Variants in RNF121 observed in about 807,000 individuals in gnomAD.
The protein encoded by RNF121 is E3 ubiquitin ligase RNF121.
A neutral mutation model predicts 46.5 loss-of-function variants in RNF121; 21 were observed. The observed-to-expected ratio is 0.45, with a 90% CI of 0.32 to 0.65. The LOEUF (loss-of-function observed/expected upper bound fraction) is 0.65. RNF121 is among the 30% of genes least tolerant of loss of function. The pLI is 0.04. For synonymous variants in RNF121, 139 were observed against 144.7 expected, an observed-to-expected ratio of 0.96 and a Z score of 0.28; for missense variants, 346 against 416.0, an observed-to-expected ratio of 0.83 and a Z score of 1.46.
rs1954757219 is a variant in RNF121, at chr11:71,985,609, G to T, written c.399-1395G>T. On this transcript the variant is annotated intron_variant, in intron 4 of 8. Transcript: ENST00000361756. ...CTGCTTGCCTGGCCACAGCAAGGAG[G>T]CATGGGCAGGGAAGGACCTTGACTT... is the stretch of plus-strand genomic sequence containing the variant. Among the ~76,000 whole-genome samples the T allele has an allele frequency of 2.0e-5, 3 of 152,182 alleles. No individual in the cohort carries two copies. In the South Asian group the frequency reaches 6.2e-4, roughly 32 times the overall value.
At chr11:71,989,301 G>A (rs770242860) in intron 5 of RNF121, among the ~76,000 whole-genome samples, 4 of 152,098 alleles carry the variant, frequency 2.6e-5, no homozygotes, top group Non-Finnish European at 5.9e-5. Context: ...GGCTGGTTTC[G>A]AACTCCTGAC....
At chr11:71,947,168 G>C (rs1049289703) in intron 1 of RNF121, among the ~76,000 whole-genome samples, 5 of 151,980 alleles carry the variant, frequency 3.3e-5, no homozygotes, top group African/African-American at 4.8e-5. Flanking sequence ...CTGGCTGGTT[G>C]CATCTTATTT....
In RNF121 at chr11:71,967,358, T is replaced by TG. The variant is rs200870132; in HGVS notation, c.243+6467_243+6468insG. ...TATGTGGGTTTTTTTTGTTTTTTTT[T>TG]TTTTTTTTTGAGACGGAGTCTCACT... is the stretch of plus-strand genomic sequence containing the variant. On this transcript the variant is annotated intron_variant, in intron 3 of 8. Coordinates refer to ENST00000361756, the MANE Select transcript of RNF121 (RefSeq NM_018320.5). Among the ~76,000 whole-genome samples, 166 of 137,882 alleles carry TG rather than the reference T, an allele frequency of 1.2e-3. 3 individuals carry two copies. The East Asian group carries it at 0.014, about 11-fold the overall frequency. 90.5% of individuals were successfully genotyped at this position (137,882 alleles called of 152,430 possible).
chr11:71,969,076 A>G (rs1590797693), intron 3 of RNF121, among the ~76,000 whole-genome samples: 2 of 151,778 alleles, frequency 1.3e-5, no homozygotes, highest in Non-Finnish European at 2.9e-5. Flanking sequence ...TAGTAGAGAC[A>G]GAGTTTCACC....
chr11:71,994,707 A>G lies in RNF121; in HGVS notation c.628-12A>G. ...TCTTTTCCTATCTTTCCTTCCTGCT[A>G]TTCTCCTTCAGTTCTACAGCGAGTC... is the stretch of plus-strand genomic sequence containing the variant. On this transcript the variant is annotated splice_polypyrimidine_tract_variant and intron_variant, in intron 6 of 8. Coordinates refer to ENST00000361756, the MANE Select transcript of RNF121 (RefSeq NM_018320.5). The G allele has an allele frequency of 1.9e-6, 3 of 1,613,748 alleles. No individual in the cohort carries two copies. The highest frequency in any genetic ancestry group is 2.5e-6 in the Non-Finnish European group (3 of 1,179,862).
At chr11:71,977,777 C>T (rs1186380351) in intron 3 of RNF121, among the ~76,000 whole-genome samples, 1 of 152,196 alleles carries the variant, frequency 6.6e-6, no homozygotes, top group Non-Finnish European at 1.5e-5. Flanking sequence ...CCACTGAATT[C>T]CCATGTCCGT....
intron 7 of RNF121, among the ~76,000 whole-genome samples, 182 bp downstream of exon 7, chr11:71,995,034 G>A (rs1188245261): frequency 6.6e-6 from 1 of 152,198 alleles, no homozygotes; most frequent in Admixed American, 6.5e-5. Context: ...GGTAAACAGT[G>A]GTTACAACCT....
intron 3 of RNF121, among the ~76,000 whole-genome samples, chr11:71,968,641 C>T (rs1712242673): frequency 6.6e-6 from 1 of 152,150 alleles, no homozygotes; most frequent in African/African-American, 2.4e-5. Flanking sequence ...TAATTAATAA[C>T]ACTAGCTAGC....
At chr11:71,960,707 A>G in intron 2 of RNF121, 43 bp from the exon 3 acceptor site, 2 of 1,595,026 alleles carry the variant, frequency 1.3e-6, no homozygotes, top group Non-Finnish European at 1.7e-6. Context: ...CTTTATCACT[A>G]CAGCATCCCT....
At chr11:71,951,743 T>C (rs1028904875) in intron 1 of RNF121, among the ~76,000 whole-genome samples, 7 of 152,100 alleles carry the variant, frequency 4.6e-5, no homozygotes, top group Non-Finnish European at 1.0e-4. Flanking sequence ...CAACGTCATT[T>C]AGCTGTCAGG....
At chr11:71,978,821 A>T (rs930936907) in intron 3 of RNF121, among the ~76,000 whole-genome samples, 2 of 152,212 alleles carry the variant, frequency 1.3e-5, no homozygotes, top group African/African-American at 4.8e-5. Context: ...TAGTTTAGAG[A>T]ACTGAAGCTT....
chr11:71,949,542 C>T (rs1315572089), intron 1 of RNF121, among the ~76,000 whole-genome samples: 1 of 151,922 alleles, frequency 6.6e-6, no homozygotes, highest in Non-Finnish European at 1.5e-5. Context: ...TGGTGAAAAC[C>T]CCATCTGTAC....
intron 1 of RNF121, among the ~76,000 whole-genome samples, chr11:71,946,835 C>T (rs1953734988): frequency 6.8e-6 from 1 of 148,138 alleles, no homozygotes; most frequent in African/African-American, 2.5e-5. Flanking sequence ...GCTTCAGCCT[C>T]CTAAGTAGCT....
chr11:71,986,871 T>C (rs982859600), intron 4 of RNF121, 133 bp from the exon 5 acceptor site: 2 of 625,886 alleles, frequency 3.2e-6, no homozygotes, highest in African/African-American at 3.7e-5. Flanking sequence ...GGATAGTAAC[T>C]GAAGTTGCTC....
Position 71,929,090 on chromosome 11 carries a change from G to T in RNF121, c.29G>T (p.Gly10Val). 3 of 1,551,800 alleles carry T rather than the reference G, an allele frequency of 1.9e-6. No individual in the cohort carries two copies. Among genetic ancestry groups the T allele is most frequent in the South Asian group, 1.2e-5 (1 of 84,068 alleles). Residue 10 changes from glycine to valine, a missense_variant, in exon 1 of 9, where the codon GGA becomes GTA. Gly to Val is a moderately radical substitution (Grantham distance 109, BLOSUM62 -3). Around this residue, in one of 2 missense-constraint regions of RNF121, gnomAD observed 60 missense variants for 32.2 expected, o/e 1.86. Coordinates refer to ENST00000361756, the MANE Select transcript of RNF121 (RefSeq NM_018320.5). ...GCGGCAGTGGTGGAGGTGGAGGTTG[G>T]AGGTGGTGCTGCTGGGGAACGGGAG... MAAVVEVEV[G>V]GGAAGERELD...
At chr11:71,979,546 TACAAAAC>T (rs1315333755) in intron 3 of RNF121, among the ~76,000 whole-genome samples, 1 of 152,204 alleles carries the variant, frequency 6.6e-6, no homozygotes, top group Non-Finnish European at 1.5e-5. Context: ...GCCCAAAAAC[TACAAAAC>T]AAAGCAAGAT....
intron 8 of RNF121, 77 bp downstream of exon 8, chr11:71,995,628 C>CCAGGAGGACCCAAA: frequency 8.6e-7 from 1 of 1,156,354 alleles, no homozygotes; most frequent in Non-Finnish European, 1.3e-6. Context: ...CATTTGGGTC[C>CCAGGAGGACCCAAA]TCCTGGGGCC....
intron 1 of RNF121, among the ~76,000 whole-genome samples, chr11:71,949,377 T>C (rs1953807915): frequency 1.3e-5 from 2 of 152,116 alleles, no homozygotes; most frequent in African/African-American, 4.8e-5. Context: ...GTGATTGCAC[T>C]ACGGCACTCC....
intron 1 of RNF121, among the ~76,000 whole-genome samples, chr11:71,941,028 A>C (rs567992947): frequency 6.6e-6 from 1 of 152,222 alleles, no homozygotes; most frequent in Non-Finnish European, 1.5e-5. Flanking sequence ...GTTAAACGTA[A>C]GGGGATAGCA....
Sources: gnomAD v4.1 joint callset for allele counts (sites outside exome capture counted in the v4.1 genomes callset) on GRCh38, gnomAD v4.1.1 for gene constraint, gnomAD v4.1.1 regional missense constraint, MANE v1.5 for transcripts, NCBI Gene and HGNC (gene_info 2026-07-23, HGNC 2026-07-21) for gene names.